Variants in SPRED1 observed in about 807,000 individuals in gnomAD.
SPRED1 encodes sprouty-related, EVH1 domain-containing protein 1.
In SPRED1, 18 loss-of-function variants were observed where a neutral mutation model predicts 52.3. The observed-to-expected ratio is 0.34, with a 90% CI of 0.24 to 0.51. SPRED1 has a LOEUF of 0.51. Among genes scored for constraint, SPRED1 ranks in the 20% least tolerant of loss-of-function variants. The probability of loss-of-function intolerance (pLI) is 0.97; values close to 1 mark genes in which losing one functional copy is unlikely to be tolerated. For synonymous variants in SPRED1, 155 were observed against 179.7 expected (o/e 0.86, Z 1.10); for missense variants, 485 against 551.0 (o/e 0.88, Z 1.20).
intron 2 of SPRED1, among the ~76,000 whole-genome samples, chr15:38,306,539 A>G (rs534672154): frequency 1.3e-5 from 2 of 152,196 alleles, no homozygotes; most frequent in Non-Finnish European, 2.9e-5. Context: ...TTGAAAAGGT[A>G]ATAAATTATG....
intron 2 of SPRED1, among the ~76,000 whole-genome samples, chr15:38,306,409 G>A (rs1483366108): frequency 6.6e-6 from 1 of 152,122 alleles, no homozygotes; most frequent in Non-Finnish European, 1.5e-5. Context: ...GTCATAGATG[G>A]AAAAATAGGA....
chr15:38,263,689 G>T (rs951771185), intron 1 of SPRED1, among the ~76,000 whole-genome samples: 13 of 152,134 alleles, frequency 8.5e-5, no homozygotes, highest in Non-Finnish European at 1.6e-4. Context: ...TAATAATGGG[G>T]ACAGAAGTCA....
chr15:38,335,595 A>G (rs1895897079), intron 4 of SPRED1, among the ~76,000 whole-genome samples: 1 of 152,132 alleles, frequency 6.6e-6, no homozygotes, highest in East Asian at 1.9e-4. Context: ...GGGAAAATGT[A>G]TTTAAGCTAA....
intron 2 of SPRED1, among the ~76,000 whole-genome samples, chr15:38,315,327 T>A (rs1019781057): frequency 6.6e-6 from 1 of 151,954 alleles, no homozygotes; most frequent in Non-Finnish European, 1.5e-5. Context: ...TATCTACTCG[T>A]AAGATAGCAA....
chr15:38,263,476 G>A (rs985080864), intron 1 of SPRED1, among the ~76,000 whole-genome samples: 1 of 152,202 alleles, frequency 6.6e-6, no homozygotes, highest in Non-Finnish European at 1.5e-5. Context: ...AGAAACAGCA[G>A]TGTTTTTAAG....
At chr15:38,290,602 T>C (rs982745902) in intron 1 of SPRED1, among the ~76,000 whole-genome samples, 8 of 152,178 alleles carry the variant, frequency 5.3e-5, no homozygotes, top group Admixed American at 2.6e-4. Context: ...ATTGGACTTA[T>C]AGTTCCGCAT....
chr15:38,255,090 T>C (rs1894065878), intron 1 of SPRED1, among the ~76,000 whole-genome samples: 2 of 152,158 alleles, frequency 1.3e-5, no homozygotes, highest in South Asian at 4.1e-4. Context: ...GTAAAATATA[T>C]TTTTTCTAAA....
In SPRED1 at chr15:38,351,580, G is replaced by C. The variant is rs1297029974; in HGVS notation, c.1251G>C (p.Met417Ile). The C allele has an allele frequency of 6.2e-7, 1 of 1,614,120 alleles. No individual in the cohort carries two copies. Among genetic ancestry groups the C allele is most frequent in the South Asian group, 1.1e-5 (1 of 91,082 alleles). Residue 417 changes from methionine (M) to isoleucine (I), a missense_variant, in exon 7 of 7, where the codon ATG (methionine) becomes ATC (isoleucine). By Grantham distance (10) the Met-to-Ile change is conservative. Around this residue, in one of 5 missense-constraint regions of SPRED1, gnomAD observed 205 missense variants for 245.2 expected, o/e 0.84. Transcript: ENST00000299084. ...LVALSFIVPC[M>I]CCYVPLRMCH... ...CTTTGTCTTTCATTGTACCATGTATGTGCTGCTACGTCCCTTTGAGAATGT... is the reference window on the plus strand; with the variant it reads ...CTTTGTCTTTCATTGTACCATGTATCTGCTGCTACGTCCCTTTGAGAATGT...
intron 1 of SPRED1, among the ~76,000 whole-genome samples, chr15:38,255,942 A>G (rs973611828): frequency 1.3e-5 from 2 of 152,190 alleles, no homozygotes; most frequent in African/African-American, 2.4e-5. Flanking sequence ...CCCTTTCTAG[A>G]TAGCCATTGT....
chr15:38,337,943 G>C (rs533215905), intron 4 of SPRED1, among the ~76,000 whole-genome samples: 4 of 149,902 alleles, frequency 2.7e-5, no homozygotes, highest in East Asian at 4.0e-4. Flanking sequence ...TTGTGCGCCT[G>C]TAATCCCAGC....
Position 38,281,594 on chromosome 15 carries a change from G to A in SPRED1, c.33-17779G>A, listed in dbSNP as rs545738096. ...TTTTTTTTTTTTTTTGTAGAGACAGGGTCTTGCTATGCTTCTCAGGCTGGT... is the reference window on the plus strand; with the variant it reads ...TTTTTTTTTTTTTTTGTAGAGACAGAGTCTTGCTATGCTTCTCAGGCTGGT... On this transcript the variant is annotated intron_variant, in intron 1 of 6. Coordinates refer to ENST00000299084, the MANE Select transcript of SPRED1 (RefSeq NM_152594.3). 9.5e-5 allele frequency among the ~76,000 whole-genome samples: 13 copies of A among 136,922 alleles called. No individual in the cohort carries two copies. In the South Asian group the frequency reaches 3.2e-3, roughly 33 times the overall value. 89.8% of individuals were successfully genotyped at this position (136,922 alleles called of 152,430 possible). A position where few individuals can be genotyped will look rare whatever the true frequency, so the allele number is the denominator to read the frequency against.
At chr15:38,344,883 T>C (rs1457985535) in intron 5 of SPRED1, among the ~76,000 whole-genome samples, 3 of 151,994 alleles carry the variant, frequency 2.0e-5, no homozygotes, top group African/African-American at 7.3e-5. Context: ...AACTAGATGT[T>C]TATACATTTG....
chr15:38,281,394 G>GT (rs1175133059), intron 1 of SPRED1, among the ~76,000 whole-genome samples: 2 of 151,766 alleles, frequency 1.3e-5, no homozygotes, highest in Non-Finnish European at 2.9e-5. Context: ...CCTAAGTTCT[G>GT]TTTTTTTGAT....
chr15:38,279,490 A>G (rs983164908), intron 1 of SPRED1, among the ~76,000 whole-genome samples: 3 of 152,208 alleles, frequency 2.0e-5, no homozygotes, highest in African/African-American at 4.8e-5. Context: ...GGATGTGTGT[A>G]TGTGGTTTTG....
At chr15:38,285,477 A>G (rs1458720150) in intron 1 of SPRED1, among the ~76,000 whole-genome samples, 1 of 152,198 alleles carries the variant, frequency 6.6e-6, no homozygotes, top group Non-Finnish European at 1.5e-5. Context: ...TCTGGCATAC[A>G]GAATATCTGG....
rs879812751 is a variant in SPRED1, at chr15:38,324,001, A to ATTTTTT, written c.377-762_377-761insTTTTTT. ...TGCCTTGTTATTTTTGAACATTAAA[A>ATTTTTT]AACATTAGCTAGCATTATTATCAGC... On this transcript the variant is annotated intron_variant, in intron 3 of 6. Coordinates refer to ENST00000299084, the MANE Select transcript of SPRED1 (RefSeq NM_152594.3). 4.9e-3 allele frequency among the ~76,000 whole-genome samples: 747 copies of ATTTTTT among 152,322 alleles called. 2 individuals are homozygous for ATTTTTT. Among genetic ancestry groups the ATTTTTT allele is most frequent in the Middle Eastern group, 0.024 (7 of 294 alleles).
chr15:38,344,952 T>A (rs2141011756), intron 5 of SPRED1, among the ~76,000 whole-genome samples: 1 of 152,210 alleles, frequency 6.6e-6, no homozygotes, highest in East Asian at 1.9e-4. Context: ...AATGGTTTAC[T>A]CTTTTAAAGC....
At chr15:38,289,948 T>G (rs1894886868) in intron 1 of SPRED1, among the ~76,000 whole-genome samples, 1 of 152,164 alleles carries the variant, frequency 6.6e-6, no homozygotes, top group African/African-American at 2.4e-5. Context: ...ACATGTGTGT[T>G]ACATATTTTT....
intron 4 of SPRED1, among the ~76,000 whole-genome samples, chr15:38,325,068 G>T (rs922402762): frequency 2.0e-5 from 3 of 152,016 alleles, no homozygotes; most frequent in African/African-American, 7.2e-5. Context: ...GAACTCCTGG[G>T]CTGAAGCAAC....
Sources: gnomAD v4.1 joint callset for allele counts (sites outside exome capture counted in the v4.1 genomes callset) on GRCh38, gnomAD v4.1.1 for gene constraint, gnomAD v4.1.1 regional missense constraint, MANE v1.5 for transcripts, NCBI Gene and HGNC (gene_info 2026-07-23, HGNC 2026-07-21) for gene names.